TMEM132D: variants seen among roughly 807,000 people sequenced by gnomAD.
TMEM132D encodes the protein mature OL transmembrane protein.
A neutral mutation model predicts 62.3 loss-of-function variants in TMEM132D; 21 were observed. That is an observed-to-expected ratio of 0.34 (90% confidence interval 0.24 to 0.49). TMEM132D has a LOEUF of 0.49. Among genes scored for constraint, TMEM132D ranks in the 20% least tolerant of loss-of-function variants. The pLI, the probability that TMEM132D is intolerant of heterozygous loss-of-function variation, is 0.99. For missense variants in TMEM132D, 1,346 were observed against 1,402.8 expected (o/e 0.96, Z 0.65); for synonymous variants, 621 against 575.6 (o/e 1.08, Z -1.13).
At chr12:129,337,441 G>GCACACACACACACACACACACACACA in intron 4 of TMEM132D, among the ~76,000 whole-genome samples, 193 bp downstream of exon 4, 1 of 148,228 alleles carries the variant, frequency 6.7e-6, no homozygotes, top group East Asian at 2.0e-4. Context: ...ATACACACAC[G>GCACACACACACACACACACACACACA]CACACACACA....
chr12:129,566,595 T>C (rs1020496266), intron 2 of TMEM132D, among the ~76,000 whole-genome samples: 2 of 152,198 alleles, frequency 1.3e-5, no homozygotes, highest in African/African-American at 4.8e-5. Context: ...GAAATCAAAG[T>C]ATTTTACCCA....
intron 4 of TMEM132D, among the ~76,000 whole-genome samples, chr12:129,312,943 G>A (rs73422249): frequency 0.016 from 2,394 of 152,286 alleles, 73 homozygotes; most frequent in African/African-American, 0.055. Context: ...AGGATCAACC[G>A]AGACTGAATT....
intron 1 of TMEM132D, among the ~76,000 whole-genome samples, chr12:129,735,192 C>A (rs7136970): frequency 6.6e-6 from 1 of 152,144 alleles, no homozygotes; most frequent in Non-Finnish European, 1.5e-5. Flanking sequence ...CATTCCGTAT[C>A]GCAGTCTTGA....
At chr12:129,734,868 G>A (rs183252040) in intron 1 of TMEM132D, among the ~76,000 whole-genome samples, 3 of 151,896 alleles carry the variant, frequency 2.0e-5, no homozygotes, top group African/African-American at 7.2e-5. Context: ...ATTTCTCAGT[G>A]GTAACAGCAT....
chr12:129,537,319 G>C (rs1461118479), intron 2 of TMEM132D, among the ~76,000 whole-genome samples: 4 of 152,066 alleles, frequency 2.6e-5, no homozygotes, highest in African/African-American at 9.7e-5. Flanking sequence ...CAGTTGCCAA[G>C]TCCTGATTTT....
At chr12:129,882,591 A>G (rs1159809308) in intron 1 of TMEM132D, among the ~76,000 whole-genome samples, 2 of 152,196 alleles carry the variant, frequency 1.3e-5, no homozygotes, top group Non-Finnish European at 2.9e-5. Flanking sequence ...TAGCTAGAAG[A>G]AGGACATTAA....
chr12:129,157,663 C>T (rs1223630043), intron 5 of TMEM132D, among the ~76,000 whole-genome samples: 1 of 152,164 alleles, frequency 6.6e-6, no homozygotes, highest in Non-Finnish European at 1.5e-5. Context: ...TAATTTTAGC[C>T]TGATAACTGA....
chr12:129,298,407 G>A (rs747363951), intron 4 of TMEM132D, among the ~76,000 whole-genome samples: 3 of 152,106 alleles, frequency 2.0e-5, no homozygotes, highest in Non-Finnish European at 4.4e-5. Context: ...TTGTATAATG[G>A]TCAAACCAGA....
At chr12:129,664,421 A>ATTTTTTTTT (rs34308998) in intron 2 of TMEM132D, among the ~76,000 whole-genome samples, 14 of 114,242 alleles carry the variant, frequency 1.2e-4, no homozygotes, top group African/African-American at 3.0e-4. Flanking sequence ...AATTACAAGA[A>ATTTTTTTTT]TTTTTTTTTT....
chr12:129,570,419 T>A (rs2137118972), intron 2 of TMEM132D, among the ~76,000 whole-genome samples: 1 of 152,290 alleles, frequency 6.6e-6, no homozygotes, highest in East Asian at 1.9e-4. Context: ...GAAAGCTTTT[T>A]TAAGAGGTGA....
At chr12:129,182,088 G>A (rs565914227) in intron 5 of TMEM132D, among the ~76,000 whole-genome samples, 16 of 152,260 alleles carry the variant, frequency 1.1e-4, no homozygotes, top group African/African-American at 2.6e-4. Flanking sequence ...CTGGCCAGGC[G>A]CGGTGTCTCA....
At position 129,800,758 on chromosome 12, in the gene TMEM132D, G is replaced by C. The variant is rs529021243; in HGVS notation, c.80-100060C>G. On this transcript the variant is annotated intron_variant, in intron 1 of 8. Transcript: ENST00000422113. ...AGCTCCGGTCTACAGCTCCCAGCGA[G>C]AGCGACGCAGAAGACGGGTGATTTC... is the stretch of plus-strand genomic sequence containing the variant. Among the ~76,000 whole-genome samples the C allele has an allele frequency of 2.0e-3, 303 of 152,252 alleles. 1 individual carries two copies. Among genetic ancestry groups the C allele is most frequent in the African/African-American group, 6.9e-3 (287 of 41,544 alleles).
At chr12:129,845,283 G>A (rs1314515660) in intron 1 of TMEM132D, among the ~76,000 whole-genome samples, 2 of 152,144 alleles carry the variant, frequency 1.3e-5, no homozygotes, top group Non-Finnish European at 2.9e-5. Flanking sequence ...TTTAAATGCA[G>A]ATTTATGTTC....
intron 3 of TMEM132D, among the ~76,000 whole-genome samples, chr12:129,366,729 A>C (rs139667068): frequency 6.6e-6 from 1 of 152,312 alleles, no homozygotes; most frequent in African/African-American, 2.4e-5. Flanking sequence ...ACAAGTATGC[A>C]AAGACAGGGC....
intron 3 of TMEM132D, among the ~76,000 whole-genome samples, chr12:129,367,740 A>G (rs1172987485): frequency 6.7e-6 from 1 of 149,356 alleles, no homozygotes; most frequent in East Asian, 2.0e-4. Flanking sequence ...CGTTAGATAG[A>G]TAGGTTAAGG....
At chr12:129,730,615 C>G (rs1217820775) in intron 1 of TMEM132D, among the ~76,000 whole-genome samples, 1 of 151,940 alleles carries the variant, frequency 6.6e-6, no homozygotes, top group African/African-American at 2.4e-5. Flanking sequence ...AAGTATCGTT[C>G]CTGGGTGTGT....
chr12:129,103,838 G>A (rs974225404), intron 5 of TMEM132D, among the ~76,000 whole-genome samples: 2 of 152,102 alleles, frequency 1.3e-5, no homozygotes, highest in South Asian at 4.2e-4. Context: ...TTACAAGGGA[G>A]GTGAAGGACC....
At chr12:129,078,987 A>G (rs1041206539) in intron 7 of TMEM132D, among the ~76,000 whole-genome samples, 2 of 152,158 alleles carry the variant, frequency 1.3e-5, no homozygotes, top group African/African-American at 4.8e-5. Flanking sequence ...CCCACACATC[A>G]GCTCCGTTTC....
chr12:129,642,091 G>A (rs1057267507), intron 2 of TMEM132D, among the ~76,000 whole-genome samples: 5 of 152,072 alleles, frequency 3.3e-5, no homozygotes, highest in Non-Finnish European at 5.9e-5. Flanking sequence ...TAGCCAGGAG[G>A]CCTGCAGCTA....
Sources: allele counts gnomAD v4.1 joint callset (sites outside exome capture counted in the v4.1 genomes callset), GRCh38; gene constraint gnomAD v4.1.1; transcripts MANE v1.5; gene names NCBI Gene and HGNC (gene_info 2026-07-23, HGNC 2026-07-21).